The following MLLT3 variants were observed in gnomAD, a reference collection of about 807,000 sequenced individuals.
The protein encoded by MLLT3 is MLLT3 super elongation complex subunit.
MLLT3 carries 4 observed loss-of-function variants against 53.2 expected under a neutral mutation model. The ratio of observed to expected loss-of-function variants is 0.08; its 90% CI spans 0.04 to 0.17. The LOEUF is 0.17. Ranked by LOEUF, MLLT3 falls within the 10% of genes least tolerant of loss-of-function variation. MLLT3 has a pLI of 1.00. For synonymous variants in MLLT3, 283 were observed against 230.6 expected (o/e 1.23, Z -2.06); for missense variants, 569 against 684.0 (o/e 0.83, Z 1.87).
intron 2 of MLLT3, among the ~76,000 whole-genome samples, chr9:20,596,323 G>A (rs781727367): frequency 6.6e-6 from 1 of 152,188 alleles, no homozygotes; most frequent in Non-Finnish European, 1.5e-5. Context: ...TAAATGTATA[G>A]GAGTACCCTG....
intron 5 of MLLT3, among the ~76,000 whole-genome samples, chr9:20,385,939 C>A (rs1822023819): frequency 6.6e-6 from 1 of 152,146 alleles, no homozygotes; most frequent in Non-Finnish European, 1.5e-5. Context: ...AAGTAAACTG[C>A]AATCTGCCTT....
chr9:20,566,609 C>A (rs1819384192), intron 2 of MLLT3, among the ~76,000 whole-genome samples: 1 of 152,138 alleles, frequency 6.6e-6, no homozygotes, highest in Non-Finnish European at 1.5e-5. Flanking sequence ...ATGCCCTATT[C>A]ACCTGTGCAT....
intron 2 of MLLT3, among the ~76,000 whole-genome samples, chr9:20,527,116 G>T (rs993308132): frequency 2.6e-5 from 4 of 152,134 alleles, no homozygotes; most frequent in African/African-American, 9.7e-5. Flanking sequence ...AGATCAAAGG[G>T]TAAGGTTATG....
At chr9:20,612,281 A>G (rs1449952203) in intron 2 of MLLT3, among the ~76,000 whole-genome samples, 1 of 152,150 alleles carries the variant, frequency 6.6e-6, no homozygotes, top group Non-Finnish European at 1.5e-5. Flanking sequence ...AAGATGAAGA[A>G]TCTCAAGTGT....
chr9:20,474,128 A>C (rs1189908597), intron 2 of MLLT3, among the ~76,000 whole-genome samples: 1 of 152,084 alleles, frequency 6.6e-6, no homozygotes, highest in Non-Finnish European at 1.5e-5. Flanking sequence ...TGGCTCCTAA[A>C]CTTATGATTT....
chr9:20,407,321 T>C (rs942380171), intron 5 of MLLT3, among the ~76,000 whole-genome samples: 3 of 152,262 alleles, frequency 2.0e-5, no homozygotes, highest in East Asian at 1.9e-4. Context: ...GATGATATAG[T>C]ATAATAAGGT....
chr9:20,342,376 T>C lies in MLLT3; in HGVS notation c.*4067A>G, dbSNP rs1164323403. ...TTTCAACATAACTACACATACACAG[T>C]CCATTAAAAAGATACTGACAGATTT... On this transcript the variant is annotated 3_prime_UTR_variant, in exon 11 of 11. Coordinates refer to ENST00000380338, the MANE Select transcript of MLLT3 (RefSeq NM_004529.4). The C allele has an allele frequency of 4.5e-6, 1 of 223,996 alleles. No individual in the cohort carries two copies. The highest frequency in any genetic ancestry group is 6.5e-5 in the East Asian group (1 of 15,434). The allele number at this position is 223,996 out of a possible 1,614,324, so 13.9% of individuals were successfully genotyped here.
intron 2 of MLLT3, among the ~76,000 whole-genome samples, chr9:20,513,896 GT>G (rs1817830012): frequency 6.6e-6 from 1 of 152,238 alleles, no homozygotes; most frequent in Admixed American, 6.5e-5. Context: ...CTGGGCACCA[GT>G]TTTTAAATGT....
At chr9:20,368,547 C>T (rs1327912425) in intron 5 of MLLT3, among the ~76,000 whole-genome samples, 1 of 152,118 alleles carries the variant, frequency 6.6e-6, no homozygotes, top group Non-Finnish European at 1.5e-5. Flanking sequence ...AGATGGTGGT[C>T]ATCTCTCCAA....
At chr9:20,407,932 C>A (rs1249780724) in intron 5 of MLLT3, among the ~76,000 whole-genome samples, 2 of 152,140 alleles carry the variant, frequency 1.3e-5, no homozygotes, top group Non-Finnish European at 2.9e-5. Flanking sequence ...CATGTTGAGT[C>A]CCATTGTTGG....
intron 8 of MLLT3, among the ~76,000 whole-genome samples, chr9:20,356,337 G>A (rs1332278234): frequency 1.3e-5 from 2 of 152,072 alleles, no homozygotes; most frequent in African/African-American, 2.4e-5. Context: ...AGGAAATTAC[G>A]TATTAACAGA....
chr9:20,539,873 A>G (rs959791730), intron 2 of MLLT3, among the ~76,000 whole-genome samples: 3 of 152,204 alleles, frequency 2.0e-5, no homozygotes, highest in South Asian at 4.1e-4. Context: ...TCCCTTCCAC[A>G]TAAGGAAGGT....
rs62552440 is a variant in MLLT3 at position 20,448,745 on chromosome 9, A to G, written c.277-479T>C. ...ATTCCTCCTCCATTCAGGCCTTAAG[A>G]TTATCTATATGAAATAAAAATCTAG... On this transcript the variant is annotated intron_variant, in intron 3 of 10. Coordinates refer to ENST00000380338, the MANE Select transcript of MLLT3 (RefSeq NM_004529.4). The surrounding 1 kb of genome is among the most constrained non-coding windows in gnomAD (Gnocchi z 4.0). 3.3e-5 allele frequency among the ~76,000 whole-genome samples: 5 copies of G among 152,166 alleles called. No individual in the cohort carries two copies. The highest frequency in any genetic ancestry group is 7.4e-5 in the Non-Finnish European group (5 of 68,022).
chr9:20,615,660 G>T (rs1216299908), intron 2 of MLLT3, among the ~76,000 whole-genome samples: 1 of 151,792 alleles, frequency 6.6e-6, no homozygotes, highest in African/African-American at 2.4e-5. Flanking sequence ...GTAGAGTTAG[G>T]ATCTCAGGAT....
chr9:20,590,932 T>C (rs571212520), intron 2 of MLLT3, among the ~76,000 whole-genome samples: 3 of 151,948 alleles, frequency 2.0e-5, no homozygotes, highest in Non-Finnish European at 4.4e-5. Context: ...TATTTGACTG[T>C]AGAGATGGGG....
At chr9:20,353,961 T>G (rs1281347306) in intron 9 of MLLT3, among the ~76,000 whole-genome samples, 1 of 152,052 alleles carries the variant, frequency 6.6e-6, no homozygotes, top group Non-Finnish European at 1.5e-5. Flanking sequence ...TTTCATTTTT[T>G]TTTCATTCTT....
At chr9:20,430,727 GAACT>G (rs1465842089) in intron 4 of MLLT3, among the ~76,000 whole-genome samples, 13 of 151,876 alleles carry the variant, frequency 8.6e-5, no homozygotes, top group African/African-American at 2.7e-4. Flanking sequence ...ACATTAAAAA[GAACT>G]AACTATTTTA....
At chr9:20,489,327 T>C (rs959772327) in intron 2 of MLLT3, among the ~76,000 whole-genome samples, 1 of 152,184 alleles carries the variant, frequency 6.6e-6, no homozygotes, top group Admixed American at 6.5e-5. Context: ...ACAATGTCAT[T>C]AGAAGGTCTA....
At chr9:20,556,517 T>C (rs540255881) in intron 2 of MLLT3, among the ~76,000 whole-genome samples, 18 of 152,134 alleles carry the variant, frequency 1.2e-4, no homozygotes, top group African/African-American at 3.4e-4. Flanking sequence ...ACCCCATCTC[T>C]ACTAAAAACA....
Sources: allele counts gnomAD v4.1 joint callset (sites outside exome capture counted in the v4.1 genomes callset), GRCh38; gene constraint gnomAD v4.1.1; non-coding constraint Gnocchi (gnomAD v3.1); transcripts MANE v1.5; gene names NCBI Gene and HGNC (gene_info 2026-07-23, HGNC 2026-07-21).